Variants in TEX9 observed in about 807,000 individuals in gnomAD.
TEX9 encodes the protein testis-expressed protein 9.
A neutral mutation model predicts 59.6 loss-of-function variants in TEX9; 74 were observed. The ratio of observed to expected loss-of-function variants is 1.24; its 90% CI spans 1.03 to 1.51. TEX9 has a LOEUF of 1.51. Ranked by LOEUF, TEX9 falls within the 40% of genes most tolerant of loss-of-function variation. The pLI, the probability that TEX9 is intolerant of heterozygous loss-of-function variation, is 0.00. For missense variants in TEX9, 522 were observed against 447.8 expected (o/e 1.17, Z -1.49); for synonymous variants, 186 against 152.2 (o/e 1.22, Z -1.64).
chr15:56,329,575 A>G (rs1424792055), intron 1 of TEX9, among the ~76,000 whole-genome samples: 5 of 152,188 alleles, frequency 3.3e-5, no homozygotes, highest in African/African-American at 1.2e-4. Flanking sequence ...CCTCCCAGAT[A>G]AATTTAACAA....
At chr15:56,248,176 AAAAT>A (rs2043909241) in intron 1 of TEX9, among the ~76,000 whole-genome samples, 1 of 152,214 alleles carries the variant, frequency 6.6e-6, no homozygotes, top group Non-Finnish European at 1.5e-5. Flanking sequence ...GAAGAGGAGA[AAAAT>A]AAAAGCAGCA....
At chr15:56,312,584 C>A (rs1322322655) in intron 1 of TEX9, among the ~76,000 whole-genome samples, 1 of 149,512 alleles carries the variant, frequency 6.7e-6, no homozygotes, top group Non-Finnish European at 1.5e-5. Flanking sequence ...AGTGTGATGC[C>A]TCCAGCTTTG....
chr15:56,404,164 C>T (rs1170497626), intron 9 of TEX9, among the ~76,000 whole-genome samples: 1 of 152,152 alleles, frequency 6.6e-6, no homozygotes, highest in African/African-American at 2.4e-5. Flanking sequence ...ACCTTCTGCA[C>T]ATCAAAAGAA....
intron 1 of TEX9, among the ~76,000 whole-genome samples, chr15:56,269,708 A>G (rs1422902738): frequency 2.0e-5 from 3 of 147,510 alleles, no homozygotes; most frequent in Non-Finnish European, 3.0e-5. Context: ...GCTGGAGTAC[A>G]GAGGTGTGAT....
At chr15:56,338,613 C>A (rs1179947716) in intron 1 of TEX9, among the ~76,000 whole-genome samples, 1 of 152,112 alleles carries the variant, frequency 6.6e-6, no homozygotes, top group Non-Finnish European at 1.5e-5. Flanking sequence ...AAGCCCCAGA[C>A]CACTGGACTG....
intron 1 of TEX9, among the ~76,000 whole-genome samples, chr15:56,281,011 G>A (rs1361683412): frequency 6.6e-6 from 1 of 152,074 alleles, no homozygotes. Context: ...GGTGCTACAG[G>A]ATTTTTTTTT....
intron 3 of TEX9, among the ~76,000 whole-genome samples, chr15:56,375,457 T>C (rs544035634): frequency 1.2e-4 from 18 of 152,132 alleles, no homozygotes; most frequent in South Asian, 6.2e-4. Context: ...TTCTCCCATT[T>C]TGTAGGTTGC....
At chr15:56,404,954 G>A (rs1308389313) in intron 9 of TEX9, among the ~76,000 whole-genome samples, 2 of 152,052 alleles carry the variant, frequency 1.3e-5, no homozygotes, top group South Asian at 2.1e-4. Flanking sequence ...GACACAGGGC[G>A]GGAACATCAC....
chr15:56,441,981 C>T (rs2140352925), intron 12 of TEX9, among the ~76,000 whole-genome samples: 1 of 152,098 alleles, frequency 6.6e-6, no homozygotes, highest in East Asian at 1.9e-4. Flanking sequence ...GATCACGCCA[C>T]TGCACTCCAA....
At chr15:56,278,802 C>CT (rs1490489337) in intron 1 of TEX9, among the ~76,000 whole-genome samples, 3 of 114,470 alleles carry the variant, frequency 2.6e-5, no homozygotes, top group African/African-American at 8.5e-5. Context: ...AAGAGATCCA[C>CT]GTTTTTTTTT....
intron 12 of TEX9, among the ~76,000 whole-genome samples, chr15:56,437,943 CCACTGCTCAA>C (rs2050756198): frequency 6.6e-6 from 1 of 152,124 alleles, no homozygotes; most frequent in South Asian, 2.1e-4. Context: ...GAACTGCAAA[CCACTGCTCAA>C]CGAAATAAAA....
chr15:56,245,532 A>T (rs2043830867), intron 1 of TEX9, among the ~76,000 whole-genome samples: 1 of 152,186 alleles, frequency 6.6e-6, no homozygotes, highest in South Asian at 2.1e-4. Flanking sequence ...TGGGTGTGTA[A>T]AGACAGTATT....
At chr15:56,387,800 C>T (rs2048028375) in intron 4 of TEX9, among the ~76,000 whole-genome samples, 1 of 152,030 alleles carries the variant, frequency 6.6e-6, no homozygotes, top group Admixed American at 6.6e-5. Context: ...GTGAAAACAG[C>T]CATAGATAAT....
chr15:56,278,479 G>A (rs375375504), intron 1 of TEX9, among the ~76,000 whole-genome samples: 17 of 152,110 alleles, frequency 1.1e-4, no homozygotes, highest in African/African-American at 2.7e-4. Context: ...GACTGAGTCC[G>A]CCATATTTTG....
At chr15:56,366,879 A>G (rs1236223933) in intron 2 of TEX9, among the ~76,000 whole-genome samples, 1 of 152,230 alleles carries the variant, frequency 6.6e-6, no homozygotes, top group Non-Finnish European at 1.5e-5. Context: ...GAAGATAATC[A>G]TATCTTCTTC....
intron 1 of TEX9, among the ~76,000 whole-genome samples, chr15:56,277,637 G>T (rs1225198791): frequency 3.3e-5 from 5 of 152,208 alleles, no homozygotes; most frequent in Admixed American, 2.0e-4. Flanking sequence ...GCCCAGGATT[G>T]TCTTGGCTAT....
At chr15:56,282,071 A>T (rs2044832733) in intron 1 of TEX9, among the ~76,000 whole-genome samples, 1 of 152,202 alleles carries the variant, frequency 6.6e-6, no homozygotes, top group Non-Finnish European at 1.5e-5. Context: ...TTCTTATTTA[A>T]CATAGGTGAA....
At chr15:56,383,324 T>G (rs2047818048) in intron 3 of TEX9, among the ~76,000 whole-genome samples, 1 of 152,258 alleles carries the variant, frequency 6.6e-6, no homozygotes, top group Admixed American at 6.5e-5. Flanking sequence ...CTTCAATGCC[T>G]CTTTCAATGA....
At chr15:56,429,347 C>G (rs1353841351) in intron 12 of TEX9, 1 of 566,914 alleles carries the variant, frequency 1.8e-6, no homozygotes, top group Non-Finnish European at 3.0e-6. Flanking sequence ...CAATACTTTT[C>G]AAAAAATAAG....
Sources: allele counts gnomAD v4.1 joint callset (sites outside exome capture counted in the v4.1 genomes callset), GRCh38; gene constraint gnomAD v4.1.1; transcripts MANE v1.5; gene names NCBI Gene and HGNC (gene_info 2026-07-23, HGNC 2026-07-21).